The following EXTL3 variants were observed in gnomAD, a reference collection of about 807,000 sequenced individuals.
EXTL3 encodes the protein exostosin like glycosyltransferase 3.
In EXTL3, 27 loss-of-function variants were observed where a neutral mutation model predicts 69.3. The ratio of observed to expected loss-of-function variants is 0.39; its 90% confidence interval spans 0.29 to 0.54. EXTL3 has a LOEUF of 0.54. Ranked by LOEUF, EXTL3 falls within the 20% of genes least tolerant of loss-of-function variation. EXTL3 has a pLI of 0.69. For missense variants in EXTL3, 1,003 were observed against 1,231.8 expected (o/e 0.81, Z 2.78); for synonymous variants, 511 against 499.4 (o/e 1.02, Z -0.31).
downstream of EXTL3, among the ~76,000 whole-genome samples, chr8:28,756,536 T>C (rs74906978): frequency 0.025 from 3,804 of 152,350 alleles, 88 homozygotes; most frequent in Non-Finnish European, 0.041. Context: ...TTTTGGATAT[T>C]ATGAATAAAG....
At chr8:28,732,784 CT>C (rs1801566065) in intron 4 of EXTL3, among the ~76,000 whole-genome samples, 1 of 152,034 alleles carries the variant, frequency 6.6e-6, no homozygotes, top group Non-Finnish European at 1.5e-5. Flanking sequence ...AGTGCAGTGG[CT>C]TGATCTCAGC....
At position 28,713,445 on chromosome 8, in the gene EXTL3, T is replaced by G. The variant is rs191270636; in HGVS notation, c.-569-12T>G. 660 of 672,670 alleles carry G rather than the reference T, an allele frequency of 9.8e-4. 4 individuals carry two copies. In the African/African-American group the frequency reaches 0.01, roughly 10 times the overall value. 41.7% of individuals were successfully genotyped at this position (672,670 alleles called of 1,614,324 possible). A position where few individuals can be genotyped will look rare whatever the true frequency, so the allele number is the denominator to read the frequency against. On this transcript the variant is annotated splice_polypyrimidine_tract_variant and intron_variant, in intron 1 of 6. Coordinates refer to ENST00000220562, the MANE Select transcript of EXTL3 (RefSeq NM_001440.4). ...GTTCTATTTTTGTTTTTTGTTTTTTTTTTTAAATCAGGAGAGCAAGCCCTG... is the reference window on the plus strand; with the variant it reads ...GTTCTATTTTTGTTTTTTGTTTTTTGTTTTAAATCAGGAGAGCAAGCCCTG...
intron 3 of EXTL3, among the ~76,000 whole-genome samples, chr8:28,719,922 A>C (rs1801260173): frequency 6.6e-6 from 1 of 152,254 alleles, no homozygotes; most frequent in Non-Finnish European, 1.5e-5. Context: ...ATGGGAAATA[A>C]GTAGTCCTGA....
upstream of EXTL3, among the ~76,000 whole-genome samples, chr8:28,617,911 T>C (rs1806348901): frequency 6.6e-6 from 1 of 152,192 alleles, no homozygotes; most frequent in Admixed American, 6.5e-5. Flanking sequence ...TATTGCACGA[T>C]TCCATTTATA....
intron 2 of EXTL3, among the ~76,000 whole-genome samples, chr8:28,613,624 G>A (rs115953850): frequency 6.6e-6 from 1 of 152,158 alleles, no homozygotes; most frequent in African/African-American, 2.4e-5. Context: ...GGTGCTTTCT[G>A]TTTTGGAAGG....
intron 2 of EXTL3, among the ~76,000 whole-genome samples, chr8:28,614,825 T>G (rs369896099): frequency 2.6e-5 from 4 of 152,218 alleles, no homozygotes; most frequent in African/African-American, 9.6e-5. Flanking sequence ...TTCCAACTTT[T>G]AAGTGTGGGG....
intron 2 of EXTL3, among the ~76,000 whole-genome samples, chr8:28,614,556 G>A (rs542556171): frequency 1.6e-4 from 24 of 152,148 alleles, no homozygotes; most frequent in African/African-American, 5.8e-4. Flanking sequence ...TTACAGGTGT[G>A]AGGACCCCAG....
chr8:28,694,305 A>C (rs942220347), intron 1 of EXTL3, among the ~76,000 whole-genome samples: 1 of 152,266 alleles, frequency 6.6e-6, no homozygotes, highest in Non-Finnish European at 1.5e-5. Context: ...TGCAGTTTAC[A>C]TTTCTCTGGC....
At position 28,716,586 on chromosome 8, in the gene EXTL3, G is replaced by C; in HGVS notation, c.527G>C (p.Gly176Ala). The change falls in exon 3 of 7, where the codon GGC (glycine) becomes GCC (alanine). Residue 176 changes from glycine to alanine, a missense_variant. Transcript: ENST00000220562. The surrounding 1 kb of genome is among the most constrained non-coding windows in gnomAD (Gnocchi z 7.1). Reference protein sequence around the residue: ...AGLPPPKATRGCRLHNCFDYS... With the variant: ...AGLPPPKATRACRLHNCFDYS... ...CTCCCTCCCCCGAAGGCCACTCGGG[G>C]CTGCCGGCTACACAACTGCTTTGAT... 6.2e-7 allele frequency: 1 copy of C among 1,614,186 alleles called. No homozygotes were observed. Among genetic ancestry groups the C allele is most frequent in the Non-Finnish European group, 8.5e-7 (1 of 1,180,042 alleles).
intron 2 of EXTL3, among the ~76,000 whole-genome samples, chr8:28,609,554 G>T (rs771836394): frequency 5.9e-5 from 9 of 151,436 alleles, no homozygotes; most frequent in Non-Finnish European, 1.2e-4. Flanking sequence ...GCAAGGGAAA[G>T]GTGGAATCAA....
At chr8:28,734,346 T>G (rs946347079) in intron 4 of EXTL3, among the ~76,000 whole-genome samples, 3 of 152,218 alleles carry the variant, frequency 2.0e-5, no homozygotes, top group Non-Finnish European at 4.4e-5. Flanking sequence ...GCAGTTCATT[T>G]TTGTTGTATT....
intron 1 of EXTL3, chr8:28,696,377 C>A (rs1002315170): frequency 1.3e-5 from 2 of 152,144 alleles, no homozygotes; most frequent in African/African-American, 4.8e-5. Context: ...ACTTAAGACT[C>A]CATAAGGGTG....
intron 1 of EXTL3, among the ~76,000 whole-genome samples, chr8:28,652,747 A>G (rs1431618823): frequency 1.3e-5 from 2 of 151,998 alleles, no homozygotes; most frequent in Non-Finnish European, 2.9e-5. Flanking sequence ...TTTCATTTGC[A>G]TTTCCTTAAT....
At chr8:28,624,559 T>G (rs1806463003) in intron 1 of EXTL3, among the ~76,000 whole-genome samples, 2 of 152,088 alleles carry the variant, frequency 1.3e-5, no homozygotes, top group Non-Finnish European at 2.9e-5. Flanking sequence ...TGAGACCCTG[T>G]CTCAAAAAAT....
At chr8:28,628,101 C>T (rs1015025154) in intron 1 of EXTL3, among the ~76,000 whole-genome samples, 1 of 152,180 alleles carries the variant, frequency 6.6e-6, no homozygotes, top group Admixed American at 6.5e-5. Context: ...TGACTCAACA[C>T]CTGTAATCCT....
intron 1 of EXTL3, among the ~76,000 whole-genome samples, chr8:28,626,363 A>AAG (rs1339532539): frequency 2.0e-5 from 3 of 152,176 alleles, no homozygotes; most frequent in African/African-American, 7.2e-5. Flanking sequence ...TGCTTTAAGC[A>AAG]GCTTACTCTG....
chr8:28,716,650 C>T lies in EXTL3; in HGVS notation c.591C>T (p.Tyr197=), dbSNP rs112013792. The T allele has an allele frequency of 4.5e-5, 73 of 1,614,222 alleles. 1 individual carries two copies. The highest frequency in any genetic ancestry group is 3.3e-4 in the African/African-American group (25 of 75,050). Residue 197 remains tyrosine (Y), a synonymous_variant, in exon 3 of 7, where the codon TAC becomes TAT. Transcript: ENST00000220562. The surrounding 1 kb of genome is among the most constrained non-coding windows in gnomAD (Gnocchi z 7.1). ...CTCTCACCTCTGGCTTCCCGGTCTA[C>T]GTCTATGACAGTGACCAGTTTGTCT... The part of the protein sequence containing the change: ...RCPLTSGFPV[Y]VYDSDQFVFG...
chr8:28,642,247 C>G (rs1434419539), intron 1 of EXTL3, among the ~76,000 whole-genome samples: 3 of 150,612 alleles, frequency 2.0e-5, no homozygotes, highest in African/African-American at 7.3e-5. Flanking sequence ...AGTTCGAGAC[C>G]AGCCTGGGCA....
chr8:28,723,296 C>A (rs4732650), intron 3 of EXTL3, among the ~76,000 whole-genome samples: 1 of 151,938 alleles, frequency 6.6e-6, no homozygotes, highest in African/African-American at 2.4e-5. Context: ...CTGGGTGGTT[C>A]GTCTTTCTCT....
Sources: allele counts gnomAD v4.1 joint callset (sites outside exome capture counted in the v4.1 genomes callset), GRCh38; gene constraint gnomAD v4.1.1; non-coding constraint Gnocchi (gnomAD v3.1); transcripts MANE v1.5; gene names NCBI Gene and HGNC (gene_info 2026-07-23, HGNC 2026-07-21).